The following PRDM5 variants were observed in gnomAD, a reference collection of about 807,000 sequenced individuals.
PRDM5 encodes the protein PR/SET domain 5.
Under a neutral mutation model 81.2 loss-of-function variants are expected in PRDM5, and 56 were observed. The ratio of observed to expected loss-of-function variants is 0.69; its 90% CI spans 0.56 to 0.86. The LOEUF (loss-of-function observed/expected upper bound fraction) is 0.86, where lower values mean the gene tolerates loss of function less well. Ranked by LOEUF, PRDM5 falls within the 40% of genes least tolerant of loss-of-function variation. The pLI is 0.00. For synonymous variants in PRDM5, 267 were observed against 256.4 expected, an observed-to-expected ratio of 1.04 and a Z score of -0.39; for missense variants, 697 against 770.1, an observed-to-expected ratio of 0.91 and a Z score of 1.12.
intron 7 of PRDM5, among the ~76,000 whole-genome samples, chr4:120,814,830 A>C (rs898493140): frequency 1.3e-5 from 2 of 152,224 alleles, no homozygotes; most frequent in Non-Finnish European, 2.9e-5. Context: ...AACATATGGC[A>C]TAGTAACCGT....
In PRDM5 at chr4:120,840,939, C is replaced by T. The variant is rs140107024; in HGVS notation, c.300+12479G>A. On this transcript the variant is annotated intron_variant, in intron 3 of 15. Transcript: ENST00000264808. ...AGCTCAGGCAGTAATTCTCGCTCAC[C>T]CATGGCTCACCTCCAGCTGTGCAGC... is the stretch of plus-strand genomic sequence containing the variant. 3.6e-3 allele frequency among the ~76,000 whole-genome samples: 544 copies of T among 152,296 alleles called. 1 individual carries two copies. Among genetic ancestry groups the T allele is most frequent in the African/African-American group, 0.012 (517 of 41,556 alleles).
Position 120,905,487 on chromosome 4 carries a change from A to C in PRDM5, c.177+1987T>G, listed in dbSNP as rs557926363. On this transcript the variant is annotated intron_variant, in intron 2 of 15. Transcript: ENST00000264808. Reference sequence around the variant, plus strand: ...TAACATCTACAATCAGTTTACTGTAAGTAAAGGAGATCACCCTCCATAACA... The same window carrying C: ...TAACATCTACAATCAGTTTACTGTACGTAAAGGAGATCACCCTCCATAACA... Among the ~76,000 whole-genome samples the C allele has an allele frequency of 2.0e-5, 3 of 152,306 alleles. No individual in the cohort carries two copies. In the East Asian group the frequency reaches 5.8e-4, roughly 29 times the overall value.
chr4:120,756,276 G>A (rs916955150), intron 13 of PRDM5, among the ~76,000 whole-genome samples: 1 of 152,102 alleles, frequency 6.6e-6, no homozygotes, highest in Non-Finnish European at 1.5e-5. Flanking sequence ...CTCACAAACA[G>A]CTTAAATCAG....
At chr4:120,864,139 G>T (rs1760946938) in intron 2 of PRDM5, among the ~76,000 whole-genome samples, 2 of 152,200 alleles carry the variant, frequency 1.3e-5, no homozygotes, top group Non-Finnish European at 2.9e-5. Context: ...AAAGATGAAG[G>T]GGAATAGATG....
chr4:120,816,549 G>T lies in PRDM5; in HGVS notation c.769C>A (p.Arg257=). The change falls in exon 7 of 16, where the codon CGG becomes AGG. Residue 257 remains arginine (R), a synonymous_variant. Coordinates refer to ENST00000264808, the MANE Select transcript of PRDM5 (RefSeq NM_018699.4). ...SSFEQHQETC[R]GDARFVCKAD... ...TTGCACACAAACCTGGCATCCCCCC[G>T]GCAAGTCTCCTGGTGCTGCTCAAAA... 1 of 1,614,030 alleles carries T rather than the reference G, an allele frequency of 6.2e-7. No individual in the cohort carries two copies. The highest frequency in any genetic ancestry group is 8.5e-7 in the Non-Finnish European group (1 of 1,180,018).
intron 10 of PRDM5, among the ~76,000 whole-genome samples, chr4:120,789,674 C>A (rs2149260745): frequency 6.6e-6 from 1 of 152,298 alleles, no homozygotes; most frequent in Non-Finnish European, 1.5e-5. Flanking sequence ...AAATACATGT[C>A]ATCTGGATGT....
At chr4:120,799,271 T>C (rs535049596) in intron 9 of PRDM5, among the ~76,000 whole-genome samples, 1 of 152,330 alleles carries the variant, frequency 6.6e-6, no homozygotes, top group South Asian at 2.1e-4. Flanking sequence ...GCAAGAATTA[T>C]AATTTTTGAA....
downstream of PRDM5, among the ~76,000 whole-genome samples, chr4:120,687,071 C>T (rs1240207144): frequency 1.3e-5 from 2 of 151,940 alleles, no homozygotes; most frequent in African/African-American, 4.8e-5. Context: ...TCTTAAATTG[C>T]AGTATTTTTA....
intron 8 of PRDM5, among the ~76,000 whole-genome samples, chr4:120,806,391 G>A (rs1752942163): frequency 6.6e-6 from 1 of 152,114 alleles, no homozygotes; most frequent in Non-Finnish European, 1.5e-5. Context: ...ACATTGCCAA[G>A]ACAATGCTAA....
At chr4:120,715,436 A>T (rs1315521687) in intron 14 of PRDM5, among the ~76,000 whole-genome samples, 1 of 152,120 alleles carries the variant, frequency 6.6e-6, no homozygotes, top group Non-Finnish European at 1.5e-5. Context: ...AAAATGTTCA[A>T]TTTTCTTTGC....
intron 13 of PRDM5, among the ~76,000 whole-genome samples, chr4:120,756,831 C>T (rs145729815): frequency 6.6e-6 from 1 of 152,220 alleles, no homozygotes; most frequent in African/African-American, 2.4e-5. Flanking sequence ...AATCCATCAA[C>T]ATATCAAATC....
intron 4 of PRDM5, 106 bp from the exon 5 acceptor site, chr4:120,818,633 C>A: frequency 2.1e-6 from 2 of 954,386 alleles, no homozygotes; most frequent in Non-Finnish European, 3.3e-6. Context: ...CTTAATGATA[C>A]CATATGAATA....
intron 2 of PRDM5, among the ~76,000 whole-genome samples, chr4:120,902,022 G>A (rs965560606): frequency 1.3e-5 from 2 of 152,212 alleles, no homozygotes; most frequent in African/African-American, 2.4e-5. Context: ...TGACTCCACT[G>A]GAAATATAGG....
intron 1 of PRDM5, among the ~76,000 whole-genome samples, chr4:120,913,539 A>G (rs1358853858): frequency 6.6e-6 from 1 of 152,258 alleles, no homozygotes; most frequent in Non-Finnish European, 1.5e-5. Context: ...GAAATAATAC[A>G]AAACGGAAAT....
At chr4:120,870,505 G>C (rs998397287) in intron 2 of PRDM5, among the ~76,000 whole-genome samples, 2 of 152,150 alleles carry the variant, frequency 1.3e-5, no homozygotes, top group African/African-American at 4.8e-5. Context: ...AACCTCACCT[G>C]CCTGACCTGC....
Position 120,798,350 on chromosome 4 carries a change from T to C in PRDM5, c.1105A>G (p.Ile369Val). ...TTGTAAGGTTTGTCTTCGCTGTGTA[T>C]TACTTTGTGAGCACCCACTTGATCA... is the stretch of plus-strand genomic sequence containing the variant. ...RLDQVGAHKV[I>V]HSEDKPYKCK... The change falls in exon 10 of 16, where the codon ATA becomes GTA. Residue 369 changes from isoleucine (I) to valine (V), a missense_variant. By Grantham distance (29) the Ile-to-Val change is conservative. Transcript: ENST00000264808. 2 of 1,613,642 alleles carry C rather than the reference T, an allele frequency of 1.2e-6. No individual in the cohort carries two copies. The highest frequency in any genetic ancestry group is 2.2e-5 in the South Asian group (2 of 91,064).
At chr4:120,720,991 A>G (rs1738514610) in intron 14 of PRDM5, among the ~76,000 whole-genome samples, 1 of 152,244 alleles carries the variant, frequency 6.6e-6, no homozygotes, top group South Asian at 2.1e-4. Context: ...CTTTAAATAG[A>G]AACAAGGAGG....
chr4:120,722,298 C>T (rs984374788), intron 14 of PRDM5, among the ~76,000 whole-genome samples: 4 of 152,154 alleles, frequency 2.6e-5, no homozygotes, highest in Admixed American at 2.6e-4. Context: ...CTGACAGTTA[C>T]ACAATCAGAG....
At chr4:120,742,681 A>G (rs982409754) in intron 14 of PRDM5, among the ~76,000 whole-genome samples, 1 of 152,222 alleles carries the variant, frequency 6.6e-6, no homozygotes, top group Non-Finnish European at 1.5e-5. Flanking sequence ...GGGTATCAGC[A>G]ATGGAAGGTG....
Sources: gnomAD v4.1 joint callset for allele counts (sites outside exome capture counted in the v4.1 genomes callset) on GRCh38, gnomAD v4.1.1 for gene constraint, MANE v1.5 for transcripts, NCBI Gene and HGNC (gene_info 2026-07-23, HGNC 2026-07-21) for gene names.